The following BCAT1 variants were observed in gnomAD, a reference collection of about 807,000 sequenced individuals.
BCAT1 encodes branched-chain-amino-acid aminotransferase, cytosolic.
Under a neutral mutation model 52.4 loss-of-function variants are expected in BCAT1, and 48 were observed. The ratio of observed to expected loss-of-function variants is 0.92; its 90% CI spans 0.73 to 1.16. The LOEUF is 1.16. Ranked by LOEUF, BCAT1 falls within the 50% of genes most tolerant of loss-of-function variation. The pLI is 0.00. For synonymous variants in BCAT1, 167 were observed against 161.3 expected (o/e 1.04, Z -0.27); for missense variants, 451 against 457.1 (o/e 0.99, Z 0.12).
intron 5 of BCAT1, among the ~76,000 whole-genome samples, chr12:24,853,903 G>T (rs919998806): frequency 6.6e-6 from 1 of 152,030 alleles, no homozygotes; most frequent in Non-Finnish European, 1.5e-5. Flanking sequence ...CATGAAAAAT[G>T]AGAAACATAA....
intron 1 of BCAT1, among the ~76,000 whole-genome samples, chr12:24,928,645 A>AC (rs1943630814): frequency 6.6e-6 from 1 of 151,504 alleles, no homozygotes; most frequent in Non-Finnish European, 1.5e-5. Context: ...AAAAAAAAAA[A>AC]AAAAACCAAG....
At chr12:24,867,084 C>T (rs1454648636) in intron 5 of BCAT1, among the ~76,000 whole-genome samples, 1 of 152,070 alleles carries the variant, frequency 6.6e-6, no homozygotes, top group Admixed American at 6.6e-5. Flanking sequence ...CAACTCCAGA[C>T]ATGCCGCCTT....
At chr12:24,851,952 G>T (rs1358590671) in intron 5 of BCAT1, among the ~76,000 whole-genome samples, 4 of 152,070 alleles carry the variant, frequency 2.6e-5, no homozygotes, top group Non-Finnish European at 5.9e-5. Context: ...TTGGATTTGT[G>T]TCCCTGCCCA....
chr12:24,916,655 C>T (rs578230234), intron 1 of BCAT1, among the ~76,000 whole-genome samples: 89 of 152,308 alleles, frequency 5.8e-4, no homozygotes, highest in African/African-American at 2.1e-3. Context: ...ATTCTCCTGC[C>T]TCAGCCTCCC....
At chr12:24,886,146 C>G (rs1020970246) in intron 3 of BCAT1, among the ~76,000 whole-genome samples, 1 of 152,148 alleles carries the variant, frequency 6.6e-6, no homozygotes, top group Non-Finnish European at 1.5e-5. Context: ...AGCTGGGAAC[C>G]GTGGCTCACG....
At chr12:24,920,562 A>T (rs781120470) in intron 1 of BCAT1, among the ~76,000 whole-genome samples, 9 of 152,180 alleles carry the variant, frequency 5.9e-5, no homozygotes, top group Non-Finnish European at 1.3e-4. Flanking sequence ...GCTCTCACAC[A>T]AAAACAATCA....
intron 1 of BCAT1, chr12:24,902,758 GC>G: frequency 1.2e-6 from 1 of 830,300 alleles, no homozygotes; most frequent in Non-Finnish European, 1.8e-6. Flanking sequence ...GGTGGAGATT[GC>G]AGGCTGGGAC....
chr12:24,874,551 T>A (rs1458306565), intron 5 of BCAT1, among the ~76,000 whole-genome samples: 2 of 152,232 alleles, frequency 1.3e-5, no homozygotes, highest in African/African-American at 4.8e-5. Flanking sequence ...TAGCTTTCAA[T>A]TATATAAATA....
At chr12:24,899,787 A>G (rs1943047320) in intron 2 of BCAT1, among the ~76,000 whole-genome samples, 1 of 151,844 alleles carries the variant, frequency 6.6e-6, no homozygotes, top group African/African-American at 2.4e-5. Context: ...GAAAAAAAAA[A>G]AAACCCAGAA....
At chr12:24,891,466 C>T (rs1190429349) in intron 3 of BCAT1, among the ~76,000 whole-genome samples, 2 of 152,176 alleles carry the variant, frequency 1.3e-5, no homozygotes, top group Non-Finnish European at 2.9e-5. Context: ...CCATCCTAGT[C>T]AACCCCAGAA....
rs548290636 is a variant in BCAT1, at chr12:24,811,359, C to T, written c.*6649G>A. 6 of 152,272 alleles carry T rather than the reference C, an allele frequency of 3.9e-5. No individual in the cohort carries two copies. Among genetic ancestry groups the T allele is most frequent in the Non-Finnish European group, 7.4e-5 (5 of 68,006 alleles). The allele number at this position is 152,272 out of a possible 1,614,324, so 9.4% of individuals were successfully genotyped here. ...ACAATGCTGATTTCATGAAACCACA[C>T]AAACAGGATTCTTTTGTTTTATTGA... is the stretch of plus-strand genomic sequence containing the variant. On this transcript the variant is annotated 3_prime_UTR_variant, in exon 11 of 11. Transcript: ENST00000261192.
intron 3 of BCAT1, among the ~76,000 whole-genome samples, chr12:24,885,342 G>A (rs1942628621): frequency 6.6e-6 from 1 of 152,056 alleles, no homozygotes; most frequent in Non-Finnish European, 1.5e-5. Flanking sequence ...TCTAACAAAA[G>A]AAGTGAAAGA....
rs766029181 is a variant in BCAT1 at position 24,894,462 on chromosome 12, A to G, written c.92T>C (p.Ile31Thr). The change falls in exon 3 of 11, where the codon ATA (isoleucine) becomes ACA (threonine). Residue 31 changes from isoleucine to threonine, a missense_variant. Transcript: ENST00000261192. ...VVGTFKAKDLIVTPATILKEK... is the reference protein window; with the variant it reads ...VVGTFKAKDLTVTPATILKEK... ...CTTTAAAATGGTAGCTGGTGTGACT[A>G]TTAGGTCTTTAGCCTGGGGAAGAAA... The G allele has an allele frequency of 3.1e-6, 5 of 1,591,924 alleles. No individual in the cohort carries two copies. The African/African-American group carries it at 5.4e-5, about 17-fold the overall frequency.
chr12:24,929,079 C>T (rs1943640916), intron 1 of BCAT1, among the ~76,000 whole-genome samples: 1 of 152,084 alleles, frequency 6.6e-6, no homozygotes, highest in Non-Finnish European at 1.5e-5. Context: ...GTTAAATATG[C>T]CTTTCTCAAA....
intron 2 of BCAT1, among the ~76,000 whole-genome samples, chr12:24,898,520 CTTTTTTTTTTTTTTTT>C (rs71448094): frequency 2.6e-5 from 1 of 38,536 alleles, no homozygotes; most frequent in African/African-American, 1.1e-4. Flanking sequence ...TCAGTCAACA[CTTTTTTTTTTTTTTTT>C]TTTTTTTTTT....
At chr12:24,831,598 G>A (rs533004800) in intron 9 of BCAT1, among the ~76,000 whole-genome samples, 6 of 152,148 alleles carry the variant, frequency 3.9e-5, no homozygotes, top group South Asian at 4.1e-4. Context: ...GCAGTGAGCC[G>A]AGATTGTGCC....
intron 10 of BCAT1, among the ~76,000 whole-genome samples, chr12:24,820,698 G>A (rs928410461): frequency 6.6e-6 from 1 of 152,128 alleles, no homozygotes; most frequent in African/African-American, 2.4e-5. Context: ...GAGCCCATGT[G>A]GAAGACTTAA....
chr12:24,891,770 A>G (rs1332919013), intron 3 of BCAT1, among the ~76,000 whole-genome samples: 2 of 150,134 alleles, frequency 1.3e-5, no homozygotes, highest in African/African-American at 2.5e-5. Context: ...TTTTTTTGAG[A>G]TGGAGTCTTG....
At chr12:24,829,772 T>TA (rs35406045) in intron 10 of BCAT1, 51 bp downstream of exon 10, 63 of 1,363,774 alleles carry the variant, frequency 4.6e-5, no homozygotes, top group African/African-American at 3.2e-4. Flanking sequence ...TAAGGTGACA[T>TA]AAAAAAAAGA....
Sources: allele counts gnomAD v4.1 joint callset (sites outside exome capture counted in the v4.1 genomes callset), GRCh38; gene constraint gnomAD v4.1.1; transcripts MANE v1.5; gene names NCBI Gene and HGNC (gene_info 2026-07-23, HGNC 2026-07-21).